SGSM1: variants seen among roughly 807,000 people sequenced by gnomAD.
The protein encoded by SGSM1 is small G protein signaling modulator 1, also known as RUN and TBC1 domain containing 2.
A neutral mutation model predicts 133.8 loss-of-function variants in SGSM1; 73 were observed. That is an observed-to-expected ratio of 0.55 (90% CI 0.45 to 0.66). The LOEUF (loss-of-function observed/expected upper bound fraction) is 0.66. SGSM1 is among the 30% of genes least tolerant of loss of function. The pLI is 0.00. For missense variants in SGSM1, 1,213 were observed against 1,448.1 expected, an observed-to-expected ratio of 0.84 and a Z score of 2.64; for synonymous variants, 563 against 573.0, an observed-to-expected ratio of 0.98 and a Z score of 0.25.
intron 20 of SGSM1, among the ~76,000 whole-genome samples, chr22:24,903,897 G>A (rs1164845274): frequency 1.3e-5 from 2 of 151,184 alleles, no homozygotes; most frequent in East Asian, 3.9e-4. Context: ...GCTTGAACCG[G>A]GGAAGTGGAG....
rs1283763940 is a variant in SGSM1 at position 24,851,451 on chromosome 22, A to G, written c.455+1019A>G. Reference sequence around the variant, plus strand: ...CAGGAAGGGAGGGGGGGGTGGGGGGAGAGAGAGAGAGAGAGAGAGAGAGAG... The same window carrying G: ...CAGGAAGGGAGGGGGGGGTGGGGGGGGAGAGAGAGAGAGAGAGAGAGAGAG... On this transcript the variant is annotated intron_variant, in intron 5 of 24. Coordinates refer to ENST00000400358, the MANE Select transcript of SGSM1 (RefSeq NM_001098497.3). 2.4e-3 allele frequency among the ~76,000 whole-genome samples: 140 copies of G among 57,962 alleles called. 1 individual carries two copies. The highest frequency in any genetic ancestry group is 0.01 in the African/African-American group (37 of 3,600). 38.0% of individuals were successfully genotyped at this position (57,962 alleles called of 152,430 possible). A position where few individuals can be genotyped will look rare whatever the true frequency, so the allele number is the denominator to read the frequency against.
rs190436243 is a variant in SGSM1 at position 24,833,621 on chromosome 22, G to A, written c.64-11276G>A. ...TGCAGTGAGTTGAGATTGTGCCACTGCACTCCAGCCTGGCGACAGAGCGAG... is the reference window on the plus strand; with the variant it reads ...TGCAGTGAGTTGAGATTGTGCCACTACACTCCAGCCTGGCGACAGAGCGAG... On this transcript the variant is annotated intron_variant, in intron 2 of 24. Transcript: ENST00000400358. 7.9e-4 allele frequency among the ~76,000 whole-genome samples: 119 copies of A among 151,284 alleles called. 1 individual carries two copies. The highest frequency in any genetic ancestry group is 2.8e-3 in the African/African-American group (115 of 41,142).
At chr22:24,920,602 G>C (rs1191870196) in intron 24 of SGSM1, among the ~76,000 whole-genome samples, 1 of 152,118 alleles carries the variant, frequency 6.6e-6, no homozygotes, top group Non-Finnish European at 1.5e-5. Context: ...GCTCATAGGA[G>C]GGACCCAATA....
intron 2 of SGSM1, among the ~76,000 whole-genome samples, chr22:24,841,063 G>C (rs1473541518): frequency 1.3e-5 from 2 of 151,864 alleles, no homozygotes. Flanking sequence ...TGTTAGCCAA[G>C]ATGGTCTCGA....
intron 5 of SGSM1, among the ~76,000 whole-genome samples, chr22:24,851,577 C>T (rs1035172331): frequency 6.6e-6 from 1 of 152,066 alleles, no homozygotes; most frequent in African/African-American, 2.4e-5. Context: ...CATTCTTTGC[C>T]CCTTTGCAAG....
chr22:24,874,326 C>T, intron 12 of SGSM1: 11 of 1,369,756 alleles, frequency 8.0e-6, no homozygotes, highest in Non-Finnish European at 1.1e-5. Flanking sequence ...AGGGTTGGAG[C>T]CCCCAGAAAC....
chr22:24,858,331 T>A (rs1930926436), intron 8 of SGSM1, among the ~76,000 whole-genome samples: 2 of 152,256 alleles, frequency 1.3e-5, no homozygotes, highest in African/African-American at 4.8e-5. Context: ...CAAGAAAATC[T>A]TGGCCAGGCA....
At chr22:24,857,797 A>G (rs1930895142) in intron 8 of SGSM1, among the ~76,000 whole-genome samples, 1 of 152,220 alleles carries the variant, frequency 6.6e-6, no homozygotes, top group Non-Finnish European at 1.5e-5. Context: ...GCTACAGCCT[A>G]TGACTGCTTT....
chr22:24,856,673 T>C (rs1288430764), intron 8 of SGSM1, among the ~76,000 whole-genome samples: 1 of 152,212 alleles, frequency 6.6e-6, no homozygotes, highest in African/African-American at 2.4e-5. Context: ...CCAGTCACTT[T>C]TCCCTCTGAG....
chr22:24,837,562 C>T (rs890606740), intron 2 of SGSM1, among the ~76,000 whole-genome samples: 13 of 138,056 alleles, frequency 9.4e-5, no homozygotes, highest in Admixed American at 6.6e-4. Context: ...CTCTAAACTC[C>T]CCCGGGGAAA....
Position 24,881,184 on chromosome 22 carries a change from C to T in SGSM1, c.1495+1658C>T, listed in dbSNP as rs149435964. 6.4e-3 allele frequency among the ~76,000 whole-genome samples: 794 copies of T among 124,202 alleles called. 63 individuals are homozygous for T. The highest frequency in any genetic ancestry group is 0.025 in the African/African-American group (772 of 30,340). The allele number at this position is 124,202 out of a possible 152,430, so 81.5% of individuals were successfully genotyped here. Reference sequence around the variant, plus strand: ...CTCCAGCCTGGGTGACAAAGCAAGACTCCGTCTCAAAAAAAAAAAAAAAAA... The same window carrying T: ...CTCCAGCCTGGGTGACAAAGCAAGATTCCGTCTCAAAAAAAAAAAAAAAAA... On this transcript the variant is annotated intron_variant, in intron 14 of 24. Transcript: ENST00000400358.
chr22:24,924,654 T>C lies in SGSM1; in HGVS notation c.*380T>C, dbSNP rs886326345. 8 of 241,706 alleles carry C rather than the reference T, an allele frequency of 3.3e-5. No individual in the cohort carries two copies. Among genetic ancestry groups the C allele is most frequent in the African/African-American group, 1.8e-4 (8 of 44,770 alleles). The allele number at this position is 241,706 out of a possible 1,614,324, so 15.0% of individuals were successfully genotyped here. On this transcript the variant is annotated 3_prime_UTR_variant, in exon 25 of 25. Coordinates refer to ENST00000400358, the MANE Select transcript of SGSM1 (RefSeq NM_001098497.3). ...TGAGACCTGGGGAGGAAACTTCTTT[T>C]TGGAAATTGGTGTAGAAGAGGTGTG... is the stretch of plus-strand genomic sequence containing the variant.
At chr22:24,833,651 C>G (rs565757700) in intron 2 of SGSM1, among the ~76,000 whole-genome samples, 19 of 102,940 alleles carry the variant, frequency 1.8e-4, no homozygotes, top group African/African-American at 1.0e-3. Context: ...AGCGAGACTC[C>G]GTCTCAAAAA....
chr22:24,844,683 G>C (rs1217692480), intron 2 of SGSM1: 2 of 556,122 alleles, frequency 3.6e-6, no homozygotes. Flanking sequence ...TGAAGAACCT[G>C]AACGAATAAT....
intron 9 of SGSM1, among the ~76,000 whole-genome samples, chr22:24,861,115 G>A (rs1931124970): frequency 6.6e-6 from 1 of 150,822 alleles, no homozygotes; most frequent in African/African-American, 2.4e-5. Context: ...AGCATTTTGG[G>A]AGGCTGAGGC....
At chr22:24,857,757 T>C (rs1279507412) in intron 8 of SGSM1, among the ~76,000 whole-genome samples, 1 of 152,238 alleles carries the variant, frequency 6.6e-6, no homozygotes, top group Non-Finnish European at 1.5e-5. Context: ...CCTCTACTTG[T>C]TTTTGCAAAT....
At chr22:24,884,031 C>T (rs1305071803) in intron 14 of SGSM1, 22 bp from the exon 15 acceptor site, 1 of 1,582,180 alleles carries the variant, frequency 6.3e-7, no homozygotes, top group South Asian at 1.1e-5. Context: ...GATGATGACA[C>T]TTTCCCTCCC....
intron 24 of SGSM1, 40 bp downstream of exon 24, chr22:24,920,033 T>C: frequency 6.4e-7 from 1 of 1,553,750 alleles, no homozygotes; most frequent in South Asian, 1.2e-5. Context: ...GGGTGCAGGC[T>C]TCTGGAGGCC....
chr22:24,905,255 A>T, intron 21 of SGSM1, 68 bp downstream of exon 21: 1 of 1,458,956 alleles, frequency 6.9e-7, no homozygotes, highest in Non-Finnish European at 9.6e-7. Context: ...AGAAGGCTTA[A>T]TCTCACTTTG....
Sources: gnomAD v4.1 joint callset for allele counts (sites outside exome capture counted in the v4.1 genomes callset) on GRCh38, gnomAD v4.1.1 for gene constraint, MANE v1.5 for transcripts, NCBI Gene and HGNC (gene_info 2026-07-23, HGNC 2026-07-21) for gene names.